The following SFR1 variants were observed in gnomAD, a reference collection of about 807,000 sequenced individuals.
The protein encoded by SFR1 is SWI5 dependent homologous recombination repair protein 1.
Under a neutral mutation model 26.2 loss-of-function variants are expected in SFR1, and 24 were observed. The ratio of observed to expected loss-of-function variants is 0.92; its 90% confidence interval spans 0.66 to 1.29. The LOEUF (loss-of-function observed/expected upper bound fraction) is 1.29, where lower values mean the gene tolerates loss of function less well. Among genes scored for constraint, SFR1 ranks in the 50% most tolerant of loss-of-function variants. SFR1 has a pLI of 0.00. For synonymous variants in SFR1, 77 were observed against 96.6 expected (o/e 0.80, Z 1.19); for missense variants, 276 against 270.2 (o/e 1.02, Z -0.15).
chr10:104,124,199 AT>A (rs35971177), intron 3 of SFR1, 75 bp downstream of exon 3: 19,688 of 1,094,762 alleles, frequency 0.018, 4 homozygotes, highest in South Asian at 0.026. Context: ...CAAAAATAGA[AT>A]TTTTTTTTTT....
In SFR1 at chr10:104,126,224, GTTTTA is replaced by G. The variant is rs768415115; in HGVS notation, c.*526_*530del. 3 of 152,602 alleles carry G rather than the reference GTTTTA, an allele frequency of 2.0e-5. No individual in the cohort carries two copies. The highest frequency in any genetic ancestry group is 6.5e-5 in the Admixed American group (1 of 15,286). 9.5% of individuals were successfully genotyped at this position (152,602 alleles called of 1,614,324 possible). Reference sequence around the variant, plus strand: ...ATACATTTGTTTTTTATGACAAAAAGTTTTATTTTAAATGTTAAAAATTGTCCAAT... The same window carrying G: ...ATACATTTGTTTTTTATGACAAAAAGTTTTAAATGTTAAAAATTGTCCAAT... On this transcript the variant is annotated 3_prime_UTR_variant, in exon 4 of 4. Coordinates refer to ENST00000369727, the MANE Select transcript of SFR1 (RefSeq NM_001002759.2).
rs2087021809 is a variant in SFR1, at chr10:104,125,879, C to CTG, written c.*175_*176insTG. On this transcript the variant is annotated 3_prime_UTR_variant, in exon 4 of 4. Coordinates refer to ENST00000369727, the MANE Select transcript of SFR1 (RefSeq NM_001002759.2). ...CTCTCGGGTTCCAGCAATTCTCCTG[C>CTG]CTCAGCCTCCCGAGTAGCTGAGATT... The CTG allele has an allele frequency of 2.2e-6, 1 of 451,116 alleles. No homozygotes were observed. Among genetic ancestry groups the CTG allele is most frequent in the Non-Finnish European group, 4.0e-6 (1 of 250,192 alleles). 27.9% of individuals were successfully genotyped at this position (451,116 alleles called of 1,614,324 possible).
At chr10:104,125,470 G>A in intron 3 of SFR1, 43 bp from the exon 4 acceptor site, 5 of 1,498,078 alleles carry the variant, frequency 3.3e-6, no homozygotes, top group Non-Finnish European at 4.6e-6. Flanking sequence ...AGTTGAACTA[G>A]CATGACTAGT....
Position 104,123,001 on chromosome 10 carries a change from C to A in SFR1, c.50C>A (p.Pro17Gln). The part of the protein sequence containing the change: ...NQDFTFKMES[P>Q]SDSAVVLPST... ...GATTTCACTTTCAAGATGGAAAGTC[C>A]GTCAGACTCAGCTGTGGTTTTACCT... Residue 17 changes from proline (P) to glutamine (Q), a missense_variant, in exon 2 of 4, where the codon CCG becomes CAG. Physicochemically the swap from Pro to Gln is moderately conservative, Grantham distance 76. Transcript: ENST00000369727. 6.2e-7 allele frequency: 1 copy of A among 1,613,630 alleles called. No individual in the cohort carries two copies. The highest frequency in any genetic ancestry group is 1.3e-5 in the African/African-American group (1 of 74,978).
chr10:104,121,480 A>G (rs2086960209), upstream of SFR1, among the ~76,000 whole-genome samples: 1 of 152,180 alleles, frequency 6.6e-6, no homozygotes, highest in African/African-American at 2.4e-5. Context: ...CTGGAACCCA[A>G]CGCTGTTCTT....
rs12616 is a variant in SFR1 at position 104,126,348 on chromosome 10, G to A, written c.*644G>A. The A allele has an allele frequency of 0.28, 42,722 of 152,518 alleles. 8,610 individuals are homozygous for A. Among genetic ancestry groups the A allele is most frequent in the African/African-American group, 0.58 (24,061 of 41,460 alleles). The allele number at this position is 152,518 out of a possible 1,614,324, so 9.4% of individuals were successfully genotyped here. On this transcript the variant is annotated 3_prime_UTR_variant, in exon 4 of 4. Coordinates refer to ENST00000369727, the MANE Select transcript of SFR1 (RefSeq NM_001002759.2). ...ATTTACCACATATTTCCATCTGATA[G>A]TCTAGCAGGTAATTAAACTTATATG...
At chr10:104,122,817 A>T (rs749663694) in intron 1 of SFR1, 148 bp from the exon 2 acceptor site, 70 of 1,530,434 alleles carry the variant, frequency 4.6e-5, no homozygotes, top group Non-Finnish European at 5.9e-5. Context: ...AACTGCAAAA[A>T]GAGCAAGAAT....
At chr10:104,121,835 C>T (rs565248278), upstream of SFR1, among the ~76,000 whole-genome samples, 6 of 152,342 alleles carry the variant, frequency 3.9e-5, no homozygotes, top group East Asian at 1.2e-3. Flanking sequence ...ATTGGTTTAA[C>T]ATTCCGAAGC....
At position 104,123,842 on chromosome 10, in the gene SFR1, A is replaced by G. The variant is rs1239189393; in HGVS notation, c.264A>G (p.Ala88=). ...ENDQTFSEKP[A]SSTEENCLEF... Reference sequence around the variant, plus strand: ...ATCAGACCTTTTCAGAGAAACCAGCATCTTCCACAGAGGAAAACTGTTTGG... The same window carrying G: ...ATCAGACCTTTTCAGAGAAACCAGCGTCTTCCACAGAGGAAAACTGTTTGG... Residue 88 remains alanine (A), a synonymous_variant, in exon 3 of 4, where the codon GCA becomes GCG. Coordinates refer to ENST00000369727, the MANE Select transcript of SFR1 (RefSeq NM_001002759.2). The G allele has an allele frequency of 8.1e-6, 13 of 1,613,054 alleles. No homozygotes were observed. Among genetic ancestry groups the G allele is most frequent in the Non-Finnish European group, 1.1e-5 (13 of 1,179,968 alleles).
upstream of SFR1, among the ~76,000 whole-genome samples, chr10:104,121,884 G>A (rs1278403069): frequency 2.6e-5 from 4 of 152,138 alleles, no homozygotes; most frequent in South Asian, 4.1e-4. Context: ...GCGGATCGCG[G>A]CCGCGCGCGC....
chr10:104,123,501 G>T, intron 2 of SFR1: 2 of 443,026 alleles, frequency 4.5e-6, no homozygotes, highest in Non-Finnish European at 8.0e-6. Context: ...AACACTTTTG[G>T]AAAGGTGTTG....
chr10:104,121,627 G>A (rs2086961779), upstream of SFR1, among the ~76,000 whole-genome samples: 1 of 152,182 alleles, frequency 6.6e-6, no homozygotes, highest in Non-Finnish European at 1.5e-5. Context: ...GCCGCCCCAC[G>A]TCTGAGTAAA....
rs1476558851 is a variant in SFR1, at chr10:104,122,982, A to G, written c.31A>G (p.Thr11Ala). The G allele has an allele frequency of 2.5e-6, 4 of 1,613,606 alleles. No individual in the cohort carries two copies. The African/African-American group carries it at 4.0e-5, about 16-fold the overall frequency. Reference protein sequence around the residue: MAEGEKNQDFTFKMESPSDSA... With the variant: MAEGEKNQDFAFKMESPSDSA... Reference sequence around the variant, plus strand: ...TTTTTTAGAGAAAAACCAAGATTTCACTTTCAAGATGGAAAGTCCGTCAGA... The same window carrying G: ...TTTTTTAGAGAAAAACCAAGATTTCGCTTTCAAGATGGAAAGTCCGTCAGA... The change falls in exon 2 of 4, where the codon ACT (threonine) becomes GCT (alanine). Residue 11 changes from threonine (T) to alanine (A), a missense_variant. Transcript: ENST00000369727.
chr10:104,122,070 C>G, upstream of SFR1: 2 of 1,285,402 alleles, frequency 1.6e-6, no homozygotes, highest in South Asian at 1.3e-5. Context: ...CGGCGCCTCG[C>G]GCGTCAGGCA....
Position 104,123,034 on chromosome 10 carries a change from C to G in SFR1, c.83C>G (p.Pro28Arg), listed in dbSNP as rs759862195. The G allele has an allele frequency of 3.7e-6, 6 of 1,608,764 alleles. No homozygotes were observed. Among genetic ancestry groups the G allele is most frequent in the Non-Finnish European group, 5.1e-6 (6 of 1,178,512 alleles). The change falls in exon 2 of 4, where the codon CCT becomes CGT. Residue 28 changes from proline (P) to arginine (R), a missense_variant. Pro to Arg is a moderately radical substitution (Grantham distance 103). Coordinates refer to ENST00000369727, the MANE Select transcript of SFR1 (RefSeq NM_001002759.2). ...TCAGCTGTGGTTTTACCTAGCACTC[C>G]TCAGGCCTCTGCGAATCCATCATCT... Reference protein sequence around the residue: ...SDSAVVLPSTPQASANPSSPY... With the variant: ...SDSAVVLPSTRQASANPSSPY...
chr10:104,123,370 A>G (rs2134703453), intron 2 of SFR1: 1 of 394,354 alleles, frequency 2.5e-6, no homozygotes, highest in Middle Eastern at 6.7e-4. Context: ...ATTATTATGA[A>G]GGTCTTTAGT....
In SFR1 at chr10:104,123,121, A is replaced by T. The variant is rs563084432; in HGVS notation, c.135+35A>T. ...TCTTTGTTCTTCCAGTGGATCCATT[A>T]TGTGTTTCTAAGTATTGTGGCAGTG... On this transcript the variant is annotated intron_variant, in intron 2 of 3. Transcript: ENST00000369727. 43 of 1,490,386 alleles carry T rather than the reference A, an allele frequency of 2.9e-5. 1 individual carries two copies. In the South Asian group the frequency reaches 5.6e-4, roughly 19 times the overall value. The allele number at this position is 1,490,386 out of a possible 1,614,324, so 92.3% of individuals were successfully genotyped here. A position where few individuals can be genotyped will look rare whatever the true frequency, so the allele number is the denominator to read the frequency against.
At chr10:104,122,934 A>G (rs1589592317) in intron 1 of SFR1, 31 bp from the exon 2 acceptor site, 10 of 1,607,912 alleles carry the variant, frequency 6.2e-6, no homozygotes, top group Non-Finnish European at 8.5e-6. Flanking sequence ...GGTGTGGTTA[A>G]TTCGATTATT....
intron 1 of SFR1, 25 bp downstream of exon 1, chr10:104,122,221 A>C: frequency 1.3e-6 from 2 of 1,532,156 alleles, no homozygotes; most frequent in South Asian, 2.4e-5. Flanking sequence ...GGAAGGGGGG[A>C]TCCCTGACAC....
Sources: gnomAD v4.1 joint callset for allele counts (sites outside exome capture counted in the v4.1 genomes callset) on GRCh38, gnomAD v4.1.1 for gene constraint, MANE v1.5 for transcripts, NCBI Gene and HGNC (gene_info 2026-07-23, HGNC 2026-07-21) for gene names.